The following ZBTB7C variants were observed in gnomAD, a reference collection of about 807,000 sequenced individuals.
The protein encoded by ZBTB7C is zinc finger and BTB domain-containing protein 7C.
In ZBTB7C, 8 loss-of-function variants were observed where a neutral mutation model predicts 25.7. That is an observed-to-expected ratio of 0.31 (90% CI 0.18 to 0.56). The LOEUF is 0.56. Ranked by LOEUF, ZBTB7C falls within the 20% of genes least tolerant of loss-of-function variation. The pLI is 0.91. For synonymous variants in ZBTB7C, 394 were observed against 369.0 expected, an observed-to-expected ratio of 1.07 and a Z score of -0.78; for missense variants, 824 against 855.2, an observed-to-expected ratio of 0.96 and a Z score of 0.46.
At chr18:48,085,192 C>T (rs2038149180) in intron 3 of ZBTB7C, among the ~76,000 whole-genome samples, 1 of 152,064 alleles carries the variant, frequency 6.6e-6, no homozygotes, top group Non-Finnish European at 1.5e-5. Flanking sequence ...AGACACAGAC[C>T]TTGCTTTCAA....
intron 3 of ZBTB7C, among the ~76,000 whole-genome samples, chr18:48,098,189 T>A (rs987319668): frequency 6.6e-6 from 1 of 152,170 alleles, no homozygotes; most frequent in East Asian, 1.9e-4. Flanking sequence ...CTTTTGAACA[T>A]GGACTTGAAC....
intron 3 of ZBTB7C, among the ~76,000 whole-genome samples, chr18:48,041,911 C>T (rs73953660): frequency 0.068 from 10,295 of 152,204 alleles, 661 homozygotes; most frequent in African/African-American, 0.16. Flanking sequence ...TAAATTCTGT[C>T]AGCCTCATGA....
In ZBTB7C at chr18:48,391,798, G is replaced by C. The variant is rs779529625; in HGVS notation, c.-304+17428C>G. On this transcript the variant is annotated intron_variant, in intron 1 of 4. Transcript: ENST00000590800. Reference sequence around the variant, plus strand: ...CATCTCTCACGAGATCCCAACAGATGCTGGTGTTGTAGCCTAGGGCCTCGC... The same window carrying C: ...CATCTCTCACGAGATCCCAACAGATCCTGGTGTTGTAGCCTAGGGCCTCGC... 5.2e-4 allele frequency among the ~76,000 whole-genome samples: 79 copies of C among 152,214 alleles called. 1 individual carries two copies. Among genetic ancestry groups the C allele is most frequent in the Non-Finnish European group, 2.9e-4 (20 of 68,040 alleles).
chr18:48,363,182 A>G (rs732130), intron 1 of ZBTB7C, among the ~76,000 whole-genome samples: 134,633 of 152,238 alleles, frequency 0.88, 59,639 homozygotes, highest in East Asian at 0.97. Context: ...ATTGCTGTTG[A>G]GGTTTTTGTG....
chr18:48,394,889 C>T (rs899823863), intron 1 of ZBTB7C, among the ~76,000 whole-genome samples: 4 of 152,158 alleles, frequency 2.6e-5, no homozygotes, highest in African/African-American at 9.7e-5. Flanking sequence ...GTGCTGTAAA[C>T]GGCGACGCGT....
intron 3 of ZBTB7C, among the ~76,000 whole-genome samples, chr18:48,152,840 G>A (rs979738561): frequency 2.0e-5 from 3 of 152,240 alleles, no homozygotes; most frequent in Non-Finnish European, 2.9e-5. Flanking sequence ...TGTGCTAAGC[G>A]CTTTGCAAGT....
chr18:48,294,840 T>C (rs965937640), intron 2 of ZBTB7C, among the ~76,000 whole-genome samples: 1 of 152,158 alleles, frequency 6.6e-6, no homozygotes, highest in African/African-American at 2.4e-5. Context: ...AAAATTTTAA[T>C]CTGTACCTTC....
chr18:48,250,050 A>T (rs76568343), intron 2 of ZBTB7C, among the ~76,000 whole-genome samples: 9,650 of 152,186 alleles, frequency 0.063, 500 homozygotes, highest in East Asian at 0.18. Context: ...CCAAACCAGA[A>T]CACATGGTCT....
chr18:48,292,808 G>A (rs1185888254), intron 2 of ZBTB7C, among the ~76,000 whole-genome samples: 1 of 152,192 alleles, frequency 6.6e-6, no homozygotes, highest in African/African-American at 2.4e-5. Flanking sequence ...AAAACAGCAA[G>A]GTGAGAAAAA....
At chr18:48,246,794 C>A (rs565899633) in intron 2 of ZBTB7C, among the ~76,000 whole-genome samples, 2 of 152,060 alleles carry the variant, frequency 1.3e-5, no homozygotes, top group Non-Finnish European at 2.9e-5. Context: ...TGACACCCCC[C>A]ATCCCATGCC....
At chr18:48,061,560 G>A (rs1447485986) in intron 3 of ZBTB7C, among the ~76,000 whole-genome samples, 2 of 152,178 alleles carry the variant, frequency 1.3e-5, no homozygotes, top group African/African-American at 4.8e-5. Flanking sequence ...TGAGTTTCAC[G>A]CACATATATG....
At position 48,256,962 on chromosome 18, in the gene ZBTB7C, G is replaced by A. The variant is rs532391856; in HGVS notation, c.-78-70967C>T. 2.6e-5 allele frequency among the ~76,000 whole-genome samples: 4 copies of A among 152,012 alleles called. No individual in the cohort carries two copies. In the South Asian group the frequency reaches 8.3e-4, roughly 32 times the overall value. ...AGGAAAAATTGAACAAATAAGAGGTGAGATGAATAGAAAACAAATAGAAAG... is the reference window on the plus strand; with the variant it reads ...AGGAAAAATTGAACAAATAAGAGGTAAGATGAATAGAAAACAAATAGAAAG... On this transcript the variant is annotated intron_variant, in intron 2 of 4. Coordinates refer to ENST00000590800, the MANE Select transcript of ZBTB7C (RefSeq NM_001318841.2).
At chr18:48,237,638 A>G (rs2043416277) in intron 2 of ZBTB7C, among the ~76,000 whole-genome samples, 1 of 150,884 alleles carries the variant, frequency 6.6e-6, no homozygotes, top group African/African-American at 2.4e-5. Context: ...GTGGGAGCAT[A>G]GTTTGATATG....
At chr18:48,055,225 C>G (rs1307430524) in intron 3 of ZBTB7C, among the ~76,000 whole-genome samples, 4 of 151,560 alleles carry the variant, frequency 2.6e-5, no homozygotes, top group Non-Finnish European at 5.9e-5. Context: ...GCCTGGCCAT[C>G]ATGGTGAAAC....
At chr18:48,234,787 G>A (rs1599157923) in intron 2 of ZBTB7C, among the ~76,000 whole-genome samples, 1 of 152,092 alleles carries the variant, frequency 6.6e-6, no homozygotes, top group African/African-American at 2.4e-5. Flanking sequence ...ACTGAGAAAG[G>A]TGTATTTAAA....
At chr18:48,261,919 C>A (rs1312663868) in intron 2 of ZBTB7C, among the ~76,000 whole-genome samples, 1 of 152,204 alleles carries the variant, frequency 6.6e-6, no homozygotes, top group African/African-American at 2.4e-5. Context: ...TACAGAATAC[C>A]TTGAACTGGA....
intron 3 of ZBTB7C, among the ~76,000 whole-genome samples, chr18:48,164,217 C>T (rs1382874157): frequency 6.6e-6 from 1 of 152,154 alleles, no homozygotes; most frequent in African/African-American, 2.4e-5. Context: ...AAATTAATCA[C>T]ACCCCGGGTT....
intron 2 of ZBTB7C, among the ~76,000 whole-genome samples, chr18:48,311,373 G>C (rs932569037): frequency 3.3e-5 from 5 of 152,188 alleles, no homozygotes; most frequent in Non-Finnish European, 7.3e-5. Flanking sequence ...ATGAAAGTTA[G>C]CCTTTTCTGC....
intron 2 of ZBTB7C, among the ~76,000 whole-genome samples, chr18:48,219,538 C>A (rs1032819693): frequency 2.0e-5 from 3 of 152,098 alleles, no homozygotes; most frequent in Non-Finnish European, 2.9e-5. Context: ...CTGTAAATAG[C>A]GGGGAAAGGA....
Sources: gnomAD v4.1 joint callset for allele counts (sites outside exome capture counted in the v4.1 genomes callset) on GRCh38, gnomAD v4.1.1 for gene constraint, MANE v1.5 for transcripts, NCBI Gene and HGNC (gene_info 2026-07-23, HGNC 2026-07-21) for gene names.